The following RGS10 variants were observed in gnomAD, a reference collection of about 807,000 sequenced individuals.
RGS10 encodes regulator of G protein signaling 10, also known as regulator of G-protein signalling 10.
A neutral mutation model predicts 23.5 loss-of-function variants in RGS10; 11 were observed. The observed-to-expected ratio is 0.47, with a 90% CI of 0.29 to 0.77. The LOEUF (loss-of-function observed/expected upper bound fraction) is 0.77, where lower values mean the gene tolerates loss of function less well. Among genes scored for constraint, RGS10 ranks in the 30% least tolerant of loss-of-function variants. The pLI is 0.08. For missense variants in RGS10, 180 were observed against 226.3 expected (o/e 0.80, Z 1.31); for synonymous variants, 77 against 83.2 (o/e 0.92, Z 0.41).
At chr10:119,511,562 T>A (rs1385496224) in intron 4 of RGS10, among the ~76,000 whole-genome samples, 1 of 152,156 alleles carries the variant, frequency 6.6e-6, no homozygotes, top group African/African-American at 2.4e-5. Flanking sequence ...GAGGCTGCAG[T>A]GAGCAGAGAT....
intron 4 of RGS10, among the ~76,000 whole-genome samples, chr10:119,502,830 G>A (rs1411108181): frequency 1.3e-5 from 2 of 152,226 alleles, no homozygotes; most frequent in African/African-American, 4.8e-5. Context: ...GAGAGCCCTT[G>A]CCCATCTCCC....
chr10:119,528,621 G>A lies in RGS10; in HGVS notation c.50-1197C>T, dbSNP rs546982716. ...CACTTGTAATCCCAGCACTTTGGGA[G>A]GCCAAGGCAGGCAGATCACCAGAGG... On this transcript the variant is annotated intron_variant, in intron 1 of 4. Coordinates refer to ENST00000369103, the MANE Select transcript of RGS10 (RefSeq NM_001005339.2). Among the ~76,000 whole-genome samples the A allele has an allele frequency of 2.3e-3, 354 of 152,084 alleles. 3 individuals are homozygous for A. Among genetic ancestry groups the A allele is most frequent in the Non-Finnish European group, 2.7e-3 (181 of 67,982 alleles).
In RGS10 at chr10:119,538,686, T is replaced by A. The variant is rs564944311; in HGVS notation, c.49+3904A>T. On this transcript the variant is annotated intron_variant, in intron 1 of 4. Coordinates refer to ENST00000369103, the MANE Select transcript of RGS10 (RefSeq NM_001005339.2). The surrounding 1 kb of genome is among the most constrained non-coding windows in gnomAD (Gnocchi z 4.5). ...ATGGGAACTTGCTTGGAAGGGAAATTTGTCCCCACAAGTCTGCAAGGGACT... is the reference window on the plus strand; with the variant it reads ...ATGGGAACTTGCTTGGAAGGGAAATATGTCCCCACAAGTCTGCAAGGGACT... Among the ~76,000 whole-genome samples the A allele has an allele frequency of 6.6e-6, 1 of 152,098 alleles. No individual in the cohort carries two copies. Among genetic ancestry groups the A allele is most frequent in the East Asian group, 1.9e-4 (1 of 5,156 alleles).
chr10:119,522,667 G>C (rs1382222536), intron 3 of RGS10, among the ~76,000 whole-genome samples: 1 of 148,546 alleles, frequency 6.7e-6, no homozygotes, highest in Non-Finnish European at 1.5e-5. Flanking sequence ...GCAGTGAGCA[G>C]AGATCGTGCC....
intron 1 of RGS10, among the ~76,000 whole-genome samples, chr10:119,530,142 TA>T (rs1490965398): frequency 6.6e-6 from 1 of 152,162 alleles, no homozygotes; most frequent in Non-Finnish European, 1.5e-5. Context: ...CTAAATGATA[TA>T]TTTTTTTAAA....
rs754276822 is a variant in RGS10 at position 119,526,035 on chromosome 10, C to T, written c.252G>A (p.Thr84=). ...CEDFKKMQDK[T]QMQEKAKEIY... The stretch of plus-strand genomic sequence containing the variant: ...ATTATCAGAGTGGAGGAAATACCTG[C>T]GTCTTATCTTGCATTTTCTTAAAAT... Residue 84 remains threonine, a synonymous_variant, in exon 3 of 5, where the codon ACG becomes ACA. Coordinates refer to ENST00000369103, the MANE Select transcript of RGS10 (RefSeq NM_001005339.2). The T allele has an allele frequency of 9.7e-6, 15 of 1,541,520 alleles. No individual in the cohort carries two copies. Among genetic ancestry groups the T allele is most frequent in the East Asian group, 2.3e-5 (1 of 43,926 alleles).
In RGS10 at chr10:119,500,315, C is replaced by G. The variant is rs146558108; in HGVS notation, c.400-56G>C. ...GCTGAGGCTAATCCAGGCCATAAAT[C>G]ATCCCATCAGATATGTATTAATACC... On this transcript the variant is annotated intron_variant, in intron 4 of 4. Transcript: ENST00000369103. 1.1e-4 allele frequency: 169 copies of G among 1,520,702 alleles called. 1 individual carries two copies. The African/African-American group carries it at 2.1e-3, about 19-fold the overall frequency. 94.2% of individuals were successfully genotyped at this position (1,520,702 alleles called of 1,614,324 possible). A position where few individuals can be genotyped will look rare whatever the true frequency, so the allele number is the denominator to read the frequency against.
chr10:119,506,800 A>G (rs1237722781), intron 4 of RGS10, among the ~76,000 whole-genome samples: 1 of 152,118 alleles, frequency 6.6e-6, no homozygotes, highest in Non-Finnish European at 1.5e-5. Flanking sequence ...TCCCTGATTC[A>G]AGCAACTCTC....
At chr10:119,521,110 C>T (rs1462521664) in intron 3 of RGS10, among the ~76,000 whole-genome samples, 2 of 152,146 alleles carry the variant, frequency 1.3e-5, no homozygotes, top group African/African-American at 2.4e-5. Context: ...GTGGCTCACA[C>T]CTGTAATCCC....
chr10:119,521,425 C>T (rs1844210948), intron 3 of RGS10, among the ~76,000 whole-genome samples: 1 of 151,748 alleles, frequency 6.6e-6, no homozygotes, highest in Non-Finnish European at 1.5e-5. Flanking sequence ...ACAAAATTAG[C>T]TGGGTGTGTT....
At chr10:119,540,073 C>T (rs1397436515) in intron 1 of RGS10, among the ~76,000 whole-genome samples, 6 of 152,096 alleles carry the variant, frequency 3.9e-5, no homozygotes, top group South Asian at 2.1e-4. Context: ...TCTTTTCACA[C>T]GGCTGGGTGG....
At chr10:119,507,981 A>G (rs1844034286) in intron 4 of RGS10, among the ~76,000 whole-genome samples, 1 of 152,062 alleles carries the variant, frequency 6.6e-6, no homozygotes, top group South Asian at 2.1e-4. Context: ...GCACCCTAGC[A>G]GACGCAAACT....
Position 119,523,780 on chromosome 10 carries a change from C to A in RGS10, c.255+2252G>T, listed in dbSNP as rs138640761. On this transcript the variant is annotated intron_variant, in intron 3 of 4. Transcript: ENST00000369103. ...CAGGGCAGGGCAACCCAACACCAGA[C>A]CTGCCTGACCTGAAAGGCTGGAAGA... is the stretch of plus-strand genomic sequence containing the variant. 7.0e-4 allele frequency among the ~76,000 whole-genome samples: 106 copies of A among 152,330 alleles called. No individual in the cohort carries two copies. The East Asian group carries it at 0.017, about 24-fold the overall frequency.
At chr10:119,518,970 T>A (rs1411172524) in intron 3 of RGS10, among the ~76,000 whole-genome samples, 20 of 152,186 alleles carry the variant, frequency 1.3e-4, no homozygotes, top group Admixed American at 1.3e-3. Flanking sequence ...CCTCCCAAAG[T>A]GCTAGGATTA....
chr10:119,526,472 G>T (rs12413821), intron 2 of RGS10, among the ~76,000 whole-genome samples: 6,909 of 152,266 alleles, frequency 0.045, 303 homozygotes, highest in East Asian at 0.12. Context: ...AAATCAGGCT[G>T]TTTTTTAAAC....
rs1844250406 is a variant in RGS10, at chr10:119,524,489, G to A, written c.255+1543C>T. Among the ~76,000 whole-genome samples, 1 of 152,186 alleles carries A rather than the reference G, an allele frequency of 6.6e-6. No individual in the cohort carries two copies. Among genetic ancestry groups the A allele is most frequent in the Non-Finnish European group, 1.5e-5 (1 of 68,048 alleles). On this transcript the variant is annotated intron_variant, in intron 3 of 4. Coordinates refer to ENST00000369103, the MANE Select transcript of RGS10 (RefSeq NM_001005339.2). This position sits in a 1 kb window ranked among gnomAD's most constrained non-coding sequence, Gnocchi z 5.2. ...CATCTGTTGGCTTGCTTGACTCTGA[G>A]CTAGGATTTTATGGTGAGGCTGGTC...
chr10:119,536,568 A>G, intron 1 of RGS10: 1 of 1,536,826 alleles, frequency 6.5e-7, no homozygotes, highest in Non-Finnish European at 8.8e-7. Flanking sequence ...AGGGCTCCCG[A>G]GCACCCTTGG....
chr10:119,522,489 C>T (rs947070444), intron 3 of RGS10, among the ~76,000 whole-genome samples: 2 of 152,140 alleles, frequency 1.3e-5, no homozygotes, highest in African/African-American at 2.4e-5. Flanking sequence ...AAGGCCGAGG[C>T]GGGTGGATCA....
At position 119,524,800 on chromosome 10, in the gene RGS10, G is replaced by A. The variant is rs1489059405; in HGVS notation, c.255+1232C>T. On this transcript the variant is annotated intron_variant, in intron 3 of 4. Coordinates refer to ENST00000369103, the MANE Select transcript of RGS10 (RefSeq NM_001005339.2). The surrounding 1 kb of genome is among the most constrained non-coding windows in gnomAD (Gnocchi z 5.2). ...GTGGGCCTGGGAAGTTCAAGCCAAA[G>A]AGAATCCATCTTAGAATACTCCCTT... Among the ~76,000 whole-genome samples, 1 of 152,214 alleles carries A rather than the reference G, an allele frequency of 6.6e-6. No individual in the cohort carries two copies. Among genetic ancestry groups the A allele is most frequent in the Non-Finnish European group, 1.5e-5 (1 of 68,044 alleles).
Sources: allele counts gnomAD v4.1 joint callset (sites outside exome capture counted in the v4.1 genomes callset), GRCh38; gene constraint gnomAD v4.1.1; non-coding constraint Gnocchi (gnomAD v3.1); transcripts MANE v1.5; gene names NCBI Gene and HGNC (gene_info 2026-07-23, HGNC 2026-07-21).